The following RIMS2 variants were observed in gnomAD, a reference collection of about 807,000 sequenced individuals.
RIMS2 encodes the protein regulating synaptic membrane exocytosis protein 2.
In RIMS2, 59 loss-of-function variants were observed where a neutral mutation model predicts 174.4. The observed-to-expected ratio is 0.34, with a 90% CI of 0.27 to 0.42. The LOEUF is 0.42. Among genes scored for constraint, RIMS2 ranks in the 10% least tolerant of loss-of-function variants. The probability of loss-of-function intolerance (pLI) is 1.00; values close to 1 mark genes in which losing one functional copy is unlikely to be tolerated. For synonymous variants in RIMS2, 606 were observed against 572.5 expected, an observed-to-expected ratio of 1.06 and a Z score of -0.84; for missense variants, 1,620 against 1,666.3, an observed-to-expected ratio of 0.97 and a Z score of 0.48.
chr8:103,577,109 A>G (rs2093302166), intron 1 of RIMS2, among the ~76,000 whole-genome samples: 1 of 152,250 alleles, frequency 6.6e-6, no homozygotes, highest in Non-Finnish European at 1.5e-5. Context: ...TCTTCACAGC[A>G]GAAGGAACTA....
chr8:103,732,264 G>A (rs1431887499), intron 2 of RIMS2, among the ~76,000 whole-genome samples: 1 of 152,198 alleles, frequency 6.6e-6, no homozygotes, highest in Non-Finnish European at 1.5e-5. Flanking sequence ...ACTAGGCAGA[G>A]ACTCTTGTCT....
intron 3 of RIMS2, among the ~76,000 whole-genome samples, chr8:103,784,337 C>G (rs76398572): frequency 6.7e-6 from 1 of 150,274 alleles, no homozygotes; most frequent in Admixed American, 6.6e-5. Flanking sequence ...TCATGAAGTC[C>G]TTGCCCATGC....
chr8:104,212,647 T>C (rs1011609789), intron 19 of RIMS2, among the ~76,000 whole-genome samples: 1 of 152,182 alleles, frequency 6.6e-6, no homozygotes, highest in Non-Finnish European at 1.5e-5. Flanking sequence ...TAAAACTAAA[T>C]CATGATTTCT....
intron 3 of RIMS2, among the ~76,000 whole-genome samples, chr8:103,821,886 T>A (rs1263396601): frequency 6.6e-6 from 1 of 151,600 alleles, no homozygotes; most frequent in Non-Finnish European, 1.5e-5. Context: ...TGCAAGAATT[T>A]AGATTTTTTT....
intron 3 of RIMS2, among the ~76,000 whole-genome samples, chr8:103,794,248 G>T (rs1386541223): frequency 6.6e-6 from 1 of 152,034 alleles, no homozygotes; most frequent in Non-Finnish European, 1.5e-5. Context: ...TAGACCAATG[G>T]AACAGAACAG....
At chr8:103,901,725 A>C (rs1048593040) in intron 4 of RIMS2, among the ~76,000 whole-genome samples, 1 of 152,170 alleles carries the variant, frequency 6.6e-6, no homozygotes, top group Non-Finnish European at 1.5e-5. Flanking sequence ...TGGTAATACC[A>C]AAAGAGCAAG....
chr8:103,984,926 A>G (rs1478917430), intron 16 of RIMS2, among the ~76,000 whole-genome samples: 1 of 152,188 alleles, frequency 6.6e-6, no homozygotes, highest in Non-Finnish European at 1.5e-5. Context: ...AAGTGAAATA[A>G]GCCAGGCACA....
intron 1 of RIMS2, among the ~76,000 whole-genome samples, chr8:103,641,790 T>A (rs757040351): frequency 4.6e-5 from 7 of 152,076 alleles, no homozygotes; most frequent in Non-Finnish European, 5.9e-5. Flanking sequence ...TTCCATGTGA[T>A]CTCTGCATGG....
intron 19 of RIMS2, among the ~76,000 whole-genome samples, chr8:104,196,384 T>A (rs2099024601): frequency 6.6e-6 from 1 of 152,170 alleles, no homozygotes; most frequent in African/African-American, 2.4e-5. Flanking sequence ...TTTCCTATGT[T>A]TAGCTTTTCT....
chr8:103,660,813 G>C lies in RIMS2; in HGVS notation c.177-36273G>C, dbSNP rs6985613. On this transcript the variant is annotated intron_variant, in intron 1 of 23. Transcript: ENST00000504942. The stretch of plus-strand genomic sequence containing the variant: ...TAAACTTTTAAAATGACAAATGATA[G>C]GTTGCTCAGAAAAGGATACTTAGAA... Among the ~76,000 whole-genome samples the C allele has an allele frequency of 5.0e-3, 762 of 152,146 alleles. 8 individuals are homozygous for C. Among genetic ancestry groups the C allele is most frequent in the African/African-American group, 0.017 (723 of 41,476 alleles).
chr8:103,632,160 TG>T (rs1483826460), intron 1 of RIMS2, among the ~76,000 whole-genome samples: 2 of 152,192 alleles, frequency 1.3e-5, no homozygotes, highest in African/African-American at 2.4e-5. Context: ...TGCAGTACTG[TG>T]TTCAATAGGA....
intron 19 of RIMS2, among the ~76,000 whole-genome samples, chr8:104,215,365 T>C (rs1260286485): frequency 6.6e-6 from 1 of 152,236 alleles, no homozygotes; most frequent in Non-Finnish European, 1.5e-5. Flanking sequence ...TACTTTTTTA[T>C]TTTTCCATTC....
At chr8:104,226,818 A>G (rs1298904318) in intron 19 of RIMS2, among the ~76,000 whole-genome samples, 1 of 152,212 alleles carries the variant, frequency 6.6e-6, no homozygotes, top group Non-Finnish European at 1.5e-5. Flanking sequence ...GGAGCCCACA[A>G]TTAATAAGTG....
At chr8:103,602,134 T>C (rs1188796938) in intron 1 of RIMS2, among the ~76,000 whole-genome samples, 2 of 152,020 alleles carry the variant, frequency 1.3e-5, no homozygotes, top group Admixed American at 6.6e-5. Flanking sequence ...TACAGGTGCA[T>C]GCCACCATGC....
At position 103,857,049 on chromosome 8, in the gene RIMS2, G is replaced by T. The variant is rs2099031886; in HGVS notation, c.699-28249G>T. On this transcript the variant is annotated intron_variant, in intron 3 of 23. Coordinates refer to ENST00000504942, the Ensembl canonical transcript of RIMS2. ...TAGGTAGAGACAATATCATTACATT[G>T]AACTTTGAGTTTTTCCCCTACAAAT... 2.0e-5 allele frequency among the ~76,000 whole-genome samples: 3 copies of T among 152,082 alleles called. No individual in the cohort carries two copies. In the South Asian group the frequency reaches 6.2e-4, roughly 32 times the overall value.
intron 16 of RIMS2, among the ~76,000 whole-genome samples, chr8:103,985,306 T>C (rs1318040333): frequency 6.6e-6 from 1 of 151,558 alleles, no homozygotes; most frequent in Non-Finnish European, 1.5e-5. Context: ...AAACCCCGTC[T>C]CTACTAAAAA....
chr8:104,094,574 T>A (rs756258000), intron 19 of RIMS2: 20 of 701,022 alleles, frequency 2.9e-5, no homozygotes, highest in Admixed American at 6.0e-5. Context: ...TTAATGAGAA[T>A]GAGAAAGGGA....
chr8:104,009,375 C>T (rs1280842140), intron 17 of RIMS2, among the ~76,000 whole-genome samples: 2 of 151,832 alleles, frequency 1.3e-5, no homozygotes, highest in Admixed American at 6.6e-5. Flanking sequence ...CTCACTGCAG[C>T]CTCGACCTCC....
intron 19 of RIMS2, among the ~76,000 whole-genome samples, chr8:104,149,758 A>G (rs1164735366): frequency 3.3e-5 from 5 of 152,208 alleles, no homozygotes; most frequent in African/African-American, 1.2e-4. Flanking sequence ...TCTACAGCAC[A>G]AAAGAATTTA....
Sources: allele counts gnomAD v4.1 joint callset (sites outside exome capture counted in the v4.1 genomes callset), GRCh38; gene constraint gnomAD v4.1.1; transcripts MANE v1.5; gene names NCBI Gene and HGNC (gene_info 2026-07-23, HGNC 2026-07-21).